Variants in DLG2 observed in about 807,000 individuals in gnomAD.
DLG2 encodes the protein discs large MAGUK scaffold protein 2, also known as disks large homolog 2.
A neutral mutation model predicts 132.5 loss-of-function variants in DLG2; 45 were observed. That is an observed-to-expected ratio of 0.34 (90% CI 0.27 to 0.44). The LOEUF is 0.44. Ranked by LOEUF, DLG2 falls within the 20% of genes least tolerant of loss-of-function variation. The pLI is 1.00. For missense variants in DLG2, 1,045 were observed against 1,196.9 expected (o/e 0.87, Z 1.87); for synonymous variants, 424 against 419.6 (o/e 1.01, Z -0.13).
At chr11:83,785,059 C>CT (rs2094990545) in intron 18 of DLG2, among the ~76,000 whole-genome samples, 1 of 142,660 alleles carries the variant, frequency 7.0e-6, no homozygotes. Context: ...ATAATGGATA[C>CT]TTATTTTTTT....
intron 3 of DLG2, among the ~76,000 whole-genome samples, chr11:85,290,885 G>C (rs2078851498): frequency 6.6e-6 from 1 of 151,992 alleles, no homozygotes; most frequent in African/African-American, 2.4e-5. Flanking sequence ...GCATGTTGAA[G>C]GAAATTCATA....
In DLG2 at chr11:84,466,336, C is replaced by T. The variant is rs569469715; in HGVS notation, c.519+68234G>A. 2.6e-5 allele frequency among the ~76,000 whole-genome samples: 4 copies of T among 151,332 alleles called. No homozygotes were observed. In the South Asian group the frequency reaches 8.3e-4, roughly 31 times the overall value. ...AAACATATGTGCTCAATATTAAGGA[C>T]ATTTTTCCCCTAAAGATGAATAACA... On this transcript the variant is annotated intron_variant, in intron 7 of 27. Transcript: ENST00000376104.
At chr11:84,586,073 C>T (rs187696600) in intron 6 of DLG2, among the ~76,000 whole-genome samples, 4 of 149,222 alleles carry the variant, frequency 2.7e-5, no homozygotes, top group Admixed American at 2.6e-4. Flanking sequence ...ATCGCTTGAA[C>T]CTGGGAGGTG....
intron 6 of DLG2, among the ~76,000 whole-genome samples, chr11:84,760,157 T>C (rs536922107): frequency 1.2e-4 from 18 of 152,232 alleles, no homozygotes; most frequent in Non-Finnish European, 2.2e-4. Context: ...TTTAGATCAA[T>C]AGTAGCCAAC....
intron 18 of DLG2, among the ~76,000 whole-genome samples, chr11:83,712,663 G>C (rs1178774347): frequency 6.6e-6 from 1 of 152,118 alleles, no homozygotes; most frequent in Non-Finnish European, 1.5e-5. Flanking sequence ...CCTTTGCAGG[G>C]ACATGGATGG....
chr11:85,444,293 C>G (rs1257379403), intron 3 of DLG2, among the ~76,000 whole-genome samples: 1 of 152,158 alleles, frequency 6.6e-6, no homozygotes, highest in Admixed American at 6.5e-5. Flanking sequence ...GGTAGGAATG[C>G]CAGCACTGGT....
intron 7 of DLG2, among the ~76,000 whole-genome samples, chr11:84,306,418 C>T (rs531161141): frequency 1.3e-5 from 2 of 152,194 alleles, no homozygotes; most frequent in South Asian, 2.1e-4. Flanking sequence ...TGTGTCAATA[C>T]TAAAATCAGC....
intron 11 of DLG2, among the ~76,000 whole-genome samples, chr11:84,018,332 T>C (rs995579936): frequency 6.6e-6 from 1 of 151,982 alleles, no homozygotes; most frequent in Non-Finnish European, 1.5e-5. Context: ...TAATTGTACC[T>C]TTCAAGATGA....
chr11:85,383,122 C>A (rs903488747), intron 3 of DLG2, among the ~76,000 whole-genome samples: 2 of 152,196 alleles, frequency 1.3e-5, no homozygotes, highest in Middle Eastern at 3.4e-3. Flanking sequence ...TATAGTCTAT[C>A]CATACAACAG....
At chr11:84,118,332 G>A (rs189211757) in intron 9 of DLG2, among the ~76,000 whole-genome samples, 11 of 152,290 alleles carry the variant, frequency 7.2e-5, no homozygotes, top group Non-Finnish European at 1.6e-4. Context: ...CCCGATGGAA[G>A]CCTGAGAAAC....
At chr11:84,452,771 G>T (rs1396810063) in intron 7 of DLG2, among the ~76,000 whole-genome samples, 1 of 151,466 alleles carries the variant, frequency 6.6e-6, no homozygotes, top group Non-Finnish European at 1.5e-5. Context: ...AAGAAGTTAG[G>T]TTCTGACAAC....
At chr11:85,366,614 T>C (rs2084572030) in intron 3 of DLG2, among the ~76,000 whole-genome samples, 1 of 152,174 alleles carries the variant, frequency 6.6e-6, no homozygotes, top group Non-Finnish European at 1.5e-5. Context: ...TTCTAAATAA[T>C]ACTGAAATTA....
chr11:84,568,633 G>A (rs1276578218), intron 6 of DLG2, among the ~76,000 whole-genome samples: 1 of 152,162 alleles, frequency 6.6e-6, no homozygotes, highest in Non-Finnish European at 1.5e-5. Flanking sequence ...TCTATGCCCA[G>A]CCTTAGATCC....
chr11:84,587,184 A>G (rs775121794), intron 6 of DLG2, among the ~76,000 whole-genome samples: 17 of 152,244 alleles, frequency 1.1e-4, no homozygotes, highest in Non-Finnish European at 2.2e-4. Context: ...AGAAAGTAGC[A>G]GAAGGAACTT....
intron 19 of DLG2, among the ~76,000 whole-genome samples, chr11:83,587,497 C>A (rs1366674714): frequency 6.6e-6 from 1 of 152,184 alleles, no homozygotes; most frequent in East Asian, 1.9e-4. Context: ...TCTCGAACTC[C>A]TGAGCTCAAA....
Position 84,047,106 on chromosome 11 carries a change from A to T in DLG2, c.919+12209T>A, listed in dbSNP as rs1012446952. On this transcript the variant is annotated intron_variant, in intron 11 of 27. Coordinates refer to ENST00000376104, the MANE Select transcript of DLG2 (RefSeq NM_001142699.3). ...ATTTAGCATGAAGTCAGTATCAGTCAGCAGAGGAGGACTGCATTATTTCAG... is the reference window on the plus strand; with the variant it reads ...ATTTAGCATGAAGTCAGTATCAGTCTGCAGAGGAGGACTGCATTATTTCAG... Among the ~76,000 whole-genome samples the T allele has an allele frequency of 2.0e-5, 3 of 151,640 alleles. No individual in the cohort carries two copies. In the Admixed American group the frequency reaches 2.0e-4, roughly 10 times the overall value.
intron 18 of DLG2, among the ~76,000 whole-genome samples, chr11:83,770,088 C>T (rs1182365060): frequency 1.4e-5 from 2 of 146,020 alleles, no homozygotes; most frequent in African/African-American, 2.5e-5. Context: ...TTGTTGATTC[C>T]AACTAAATTA....
chr11:84,708,883 A>G (rs1012866843), intron 6 of DLG2, among the ~76,000 whole-genome samples: 1 of 151,884 alleles, frequency 6.6e-6, no homozygotes, highest in Non-Finnish European at 1.5e-5. Context: ...TTTCTTTTGG[A>G]TGGTCATCTG....
intron 3 of DLG2, among the ~76,000 whole-genome samples, chr11:85,467,256 C>A (rs2092822068): frequency 6.6e-6 from 1 of 152,196 alleles, no homozygotes; most frequent in Admixed American, 6.5e-5. Flanking sequence ...AATCTCCAAA[C>A]AGGGACAATT....
Sources: gnomAD v4.1 joint callset for allele counts (sites outside exome capture counted in the v4.1 genomes callset) on GRCh38, gnomAD v4.1.1 for gene constraint, MANE v1.5 for transcripts, NCBI Gene and HGNC (gene_info 2026-07-23, HGNC 2026-07-21) for gene names.